PCDHA7: variants seen among roughly 807,000 people sequenced by gnomAD.
The protein encoded by PCDHA7 is protocadherin alpha-7.
In PCDHA7, 37 loss-of-function variants were observed where a neutral mutation model predicts 57.2. The observed-to-expected ratio is 0.65, with a 90% CI of 0.50 to 0.85. The LOEUF (loss-of-function observed/expected upper bound fraction) is 0.85, where lower values mean the gene tolerates loss of function less well. Among genes scored for constraint, PCDHA7 ranks in the 40% least tolerant of loss-of-function variants. The probability of loss-of-function intolerance (pLI) is 0.00; values close to 1 mark genes in which losing one functional copy is unlikely to be tolerated. For synonymous variants in PCDHA7, 553 were observed against 558.8 expected (o/e 0.99, Z 0.15); for missense variants, 1,188 against 1,241.8 (o/e 0.96, Z 0.65).
rs1554166675 is a variant in PCDHA7 at position 140,873,309 on chromosome 5, T to C, written c.2355+36571T>C. ...TGAAACTTTATAAATATAATAAAGG[T>C]GAATATTAGATAGGGCATACATTAC... On this transcript the variant is annotated intron_variant, in intron 1 of 3. Transcript: ENST00000525929. Among the ~76,000 whole-genome samples, 4 of 152,264 alleles carry C rather than the reference T, an allele frequency of 2.6e-5. No individual in the cohort carries two copies. The East Asian group carries it at 5.8e-4, about 22-fold the overall frequency.
intron 1 of PCDHA7, among the ~76,000 whole-genome samples, chr5:140,917,117 C>T (rs1318149439): frequency 3.3e-5 from 5 of 152,018 alleles, no homozygotes; most frequent in South Asian, 2.1e-4. Flanking sequence ...CCTCCAAGTG[C>T]GCAGACTCCC....
In PCDHA7 at chr5:140,835,591, A is replaced by T. The variant is rs2150238905; in HGVS notation, c.1208A>T (p.Asn403Ile). The change falls in exon 1 of 4, where the codon AAT (asparagine) becomes ATT (isoleucine). Residue 403 changes from asparagine (N) to isoleucine (I), a missense_variant. Around this residue, in one of 3 missense-constraint regions of PCDHA7, gnomAD observed 892 missense variants for 788.5 expected, o/e 1.13. Coordinates refer to ENST00000525929, the MANE Select transcript of PCDHA7 (RefSeq NM_018910.3). ...TTCAAGTTGGTGTCCACCTTCAAGAATTACTATTCATTGGTGCTGGACAGC... is the reference window on the plus strand; with the variant it reads ...TTCAAGTTGGTGTCCACCTTCAAGATTTACTATTCATTGGTGCTGGACAGC... ...VPFKLVSTFK[N>I]YYSLVLDSAL... The T allele has an allele frequency of 1.2e-6, 2 of 1,613,686 alleles. No homozygotes were observed. The highest frequency in any genetic ancestry group is 2.7e-5 in the African/African-American group (2 of 74,882).
chr5:140,967,925 C>T, intron 1 of PCDHA7: 1 of 1,614,224 alleles, frequency 6.2e-7, no homozygotes, highest in South Asian at 1.1e-5. Context: ...TGTGGCCGTT[C>T]TCAGTGTCAA....
chr5:140,896,404 G>T (rs1003824556), intron 1 of PCDHA7, among the ~76,000 whole-genome samples: 4 of 151,996 alleles, frequency 2.6e-5, no homozygotes, highest in Admixed American at 2.6e-4. Context: ...TGTTATTTTT[G>T]ACTTTTTAGT....
At chr5:140,934,664 T>C (rs1268113575) in intron 1 of PCDHA7, among the ~76,000 whole-genome samples, 4 of 152,176 alleles carry the variant, frequency 2.6e-5, no homozygotes, top group Non-Finnish European at 5.9e-5. Flanking sequence ...TCTTCCCCTT[T>C]GTTTAGCAGT....
chr5:140,861,527 G>C (rs1554154863), intron 1 of PCDHA7: 3 of 454,914 alleles, frequency 6.6e-6, no homozygotes, highest in Non-Finnish European at 1.4e-5. Context: ...GGAGGATCTC[G>C]GAGTGCAGCA....
intron 1 of PCDHA7, among the ~76,000 whole-genome samples, chr5:140,957,690 T>G (rs2095375856): frequency 6.6e-6 from 1 of 152,060 alleles, no homozygotes; most frequent in South Asian, 2.1e-4. Context: ...ATCTAGACAA[T>G]GAACATTATG....
intron 1 of PCDHA7, among the ~76,000 whole-genome samples, chr5:140,952,351 A>G (rs1217158530): frequency 8.3e-6 from 1 of 120,612 alleles, no homozygotes; most frequent in Non-Finnish European, 1.8e-5. Flanking sequence ...AAAAAAAAAA[A>G]AAAGAAAGAA....
At chr5:140,895,339 T>C (rs1331642230) in intron 1 of PCDHA7, among the ~76,000 whole-genome samples, 3 of 152,196 alleles carry the variant, frequency 2.0e-5, no homozygotes, top group African/African-American at 4.8e-5. Context: ...ATTGTTTTAC[T>C]ATGCTTTCCA....
intron 1 of PCDHA7, chr5:140,876,671 C>T (rs782473628): frequency 3.1e-6 from 5 of 1,614,212 alleles, no homozygotes; most frequent in Non-Finnish European, 2.5e-6. Flanking sequence ...CTGGTGTCCA[C>T]CTACAAGAAT....
At position 140,842,418 on chromosome 5, in the gene PCDHA7, G is replaced by A. The variant is rs2150335492; in HGVS notation, c.2355+5680G>A. The A allele has an allele frequency of 1.9e-5, 31 of 1,613,276 alleles. No individual in the cohort carries two copies. In the South Asian group the frequency reaches 2.9e-4, roughly 15 times the overall value. On this transcript the variant is annotated intron_variant, in intron 1 of 3. Coordinates refer to ENST00000525929, the MANE Select transcript of PCDHA7 (RefSeq NM_018910.3). ...CCTGTACGTGAAGACGCTCAATTTG[G>A]TACTGTCATCGCCCTAATTAGCGTG...
rs955217729 is a variant in PCDHA7 at position 140,843,931 on chromosome 5, A to T, written c.2355+7193A>T. The T allele has an allele frequency of 6.9e-6, 4 of 582,802 alleles. 1 individual carries two copies. Among genetic ancestry groups the T allele is most frequent in the Non-Finnish European group, 1.2e-5 (4 of 332,650 alleles). The allele number at this position is 582,802 out of a possible 1,614,324, so 36.1% of individuals were successfully genotyped here. Reference sequence around the variant, plus strand: ...TTGGGTCTATCTTGAAACTCAAGTTATGGTTGGATGATATCCATTTTTTAC... The same window carrying T: ...TTGGGTCTATCTTGAAACTCAAGTTTTGGTTGGATGATATCCATTTTTTAC... On this transcript the variant is annotated intron_variant, in intron 1 of 3. Coordinates refer to ENST00000525929, the MANE Select transcript of PCDHA7 (RefSeq NM_018910.3).
intron 1 of PCDHA7, chr5:140,869,717 C>A: frequency 6.2e-7 from 1 of 1,613,364 alleles, no homozygotes. Context: ...AGAGAGAAAA[C>A]TCCGGAACTT....
At chr5:140,879,208 A>C (rs546096733) in intron 1 of PCDHA7, among the ~76,000 whole-genome samples, 1 of 152,362 alleles carries the variant, frequency 6.6e-6, no homozygotes, top group East Asian at 1.9e-4. Context: ...ATGGCAGTAG[A>C]AATGAATTGA....
In PCDHA7 at chr5:140,852,367, T is replaced by C. The variant is rs2150515720; in HGVS notation, c.2355+15629T>C. On this transcript the variant is annotated intron_variant, in intron 1 of 3. Transcript: ENST00000525929. Reference sequence around the variant, plus strand: ...ATCTTGGCTCACTGCAACGTCTGCCTCCTGGGTTCAAGCAATTCTCCTGCC... The same window carrying C: ...ATCTTGGCTCACTGCAACGTCTGCCCCCTGGGTTCAAGCAATTCTCCTGCC... 73 of 201,190 alleles carry C rather than the reference T, an allele frequency of 3.6e-4. 4 individuals are homozygous for C. The highest frequency in any genetic ancestry group is 6.9e-4 in the Non-Finnish European group (70 of 101,398). 12.5% of individuals were successfully genotyped at this position (201,190 alleles called of 1,614,324 possible).
intron 1 of PCDHA7, chr5:140,866,443 C>T (rs974368547): frequency 2.0e-5 from 3 of 151,700 alleles, no homozygotes; most frequent in Non-Finnish European, 2.9e-5. Flanking sequence ...CTTCTTCAGT[C>T]TTATTGTTGG....
chr5:140,967,636 T>G, intron 1 of PCDHA7: 2 of 1,614,138 alleles, frequency 1.2e-6, no homozygotes, highest in Non-Finnish European at 1.7e-6. Context: ...GCTCCAATGG[T>G]GAGCTCAGGT....
chr5:140,875,949 T>C (rs1306170767), intron 1 of PCDHA7: 2 of 1,614,096 alleles, frequency 1.2e-6, no homozygotes, highest in African/African-American at 2.7e-5. Context: ...GCGCTTCTGA[T>C]GCGGATATCG....
At chr5:140,969,923 A>G (rs1270842223) in intron 1 of PCDHA7, among the ~76,000 whole-genome samples, 3 of 152,234 alleles carry the variant, frequency 2.0e-5, no homozygotes, top group Non-Finnish European at 4.4e-5. Flanking sequence ...AAGCTGTAGT[A>G]TTTAGACATC....
Sources: allele counts gnomAD v4.1 joint callset (sites outside exome capture counted in the v4.1 genomes callset), GRCh38; gene constraint gnomAD v4.1.1; regional missense constraint gnomAD v4.1.1; transcripts MANE v1.5; gene names NCBI Gene and HGNC (gene_info 2026-07-23, HGNC 2026-07-21).